ADGRL2: variants seen among roughly 807,000 people sequenced by gnomAD.
ADGRL2 encodes calcium-independent alpha-latrotoxin receptor 2.
ADGRL2 carries 44 observed loss-of-function variants against 157.4 expected under a neutral mutation model. The observed-to-expected ratio is 0.28, with a 90% CI of 0.22 to 0.36. ADGRL2 has a LOEUF of 0.36. ADGRL2 is among the 10% of genes least tolerant of loss of function. The pLI is 1.00. For missense variants in ADGRL2, 1,510 were observed against 1,768.9 expected, an observed-to-expected ratio of 0.85 and a Z score of 2.63; for synonymous variants, 585 against 624.7, an observed-to-expected ratio of 0.94 and a Z score of 0.95.
chr1:81,331,535 A>G (rs1661264947), intron 1 of ADGRL2, among the ~76,000 whole-genome samples: 1 of 152,152 alleles, frequency 6.6e-6, no homozygotes, highest in African/African-American at 2.4e-5. Flanking sequence ...TTCCTCAAAT[A>G]ATTATTAGCT....
At chr1:81,454,111 A>C (rs1282477215) in intron 2 of ADGRL2, among the ~76,000 whole-genome samples, 1 of 152,112 alleles carries the variant, frequency 6.6e-6, no homozygotes, top group Non-Finnish European at 1.5e-5. Flanking sequence ...TTTTGTCATT[A>C]GTTAAAGTTA....
intron 3 of ADGRL2, among the ~76,000 whole-genome samples, chr1:81,651,728 T>C (rs1557537771): frequency 6.6e-6 from 1 of 152,126 alleles, no homozygotes; most frequent in Non-Finnish European, 1.5e-5. Flanking sequence ...ATTTTGTTTG[T>C]TTGTTTGTTT....
intron 2 of ADGRL2, chr1:81,579,329 G>A (rs1275497081): frequency 6.6e-6 from 1 of 152,110 alleles, no homozygotes; most frequent in Non-Finnish European, 1.5e-5. Context: ...CAATACGAGG[G>A]GATGTGTATC....
At chr1:81,429,887 T>TTTGTTG (rs1334222143) in intron 1 of ADGRL2, among the ~76,000 whole-genome samples, 1 of 151,946 alleles carries the variant, frequency 6.6e-6, no homozygotes, top group Non-Finnish European at 1.5e-5. Flanking sequence ...TGTTTTTTGT[T>TTTGTTG]TTGTTGTTGT....
chr1:81,696,452 G>A (rs2083444496), upstream of ADGRL2, among the ~76,000 whole-genome samples: 1 of 152,070 alleles, frequency 6.6e-6, no homozygotes, highest in Admixed American at 6.5e-5. Flanking sequence ...TGGGGCAGAG[G>A]CAAGAATAGA....
chr1:81,366,295 G>A (rs76839453), intron 1 of ADGRL2, among the ~76,000 whole-genome samples: 6 of 147,006 alleles, frequency 4.1e-5, no homozygotes, highest in African/African-American at 1.0e-4. Flanking sequence ...TTTGGCTCCA[G>A]AAAAAAAAAA....
chr1:81,647,852 C>T (rs1489960329), intron 3 of ADGRL2, among the ~76,000 whole-genome samples: 1 of 152,120 alleles, frequency 6.6e-6, no homozygotes, highest in Admixed American at 6.6e-5. Context: ...TGGGAAGATG[C>T]GATAACAGCA....
intron 1 of ADGRL2, among the ~76,000 whole-genome samples, chr1:81,331,159 G>C (rs1008087215): frequency 2.6e-5 from 4 of 152,098 alleles, no homozygotes; most frequent in Non-Finnish European, 5.9e-5. Flanking sequence ...TTCACTTCTA[G>C]ATTCCTTTAC....
intron 2 of ADGRL2, among the ~76,000 whole-genome samples, chr1:81,489,166 G>A (rs948932315): frequency 6.6e-6 from 1 of 152,080 alleles, no homozygotes; most frequent in African/African-American, 2.4e-5. Context: ...GAACCTGGGA[G>A]GTGGAGGTTG....
chr1:81,648,393 T>G (rs2148827967), intron 3 of ADGRL2, among the ~76,000 whole-genome samples: 1 of 152,290 alleles, frequency 6.6e-6, no homozygotes, highest in East Asian at 1.9e-4. Context: ...GTGTGCTGCC[T>G]TCTGCTACCC....
chr1:81,723,129 G>C, intron 1 of ADGRL2: 1 of 652,590 alleles, frequency 1.5e-6, no homozygotes, highest in East Asian at 2.6e-5. Context: ...TTACCTTATG[G>C]ATGTCGCAAT....
chr1:81,454,494 A>G (rs988732058), intron 2 of ADGRL2, among the ~76,000 whole-genome samples: 1 of 152,160 alleles, frequency 6.6e-6, no homozygotes, highest in Non-Finnish European at 1.5e-5. Flanking sequence ...CATTGATCGC[A>G]TCAAAAATTC....
chr1:81,596,204 C>A, intron 3 of ADGRL2: 4 of 564,974 alleles, frequency 7.1e-6, no homozygotes, highest in South Asian at 5.6e-5. Flanking sequence ...ATACTGAAGT[C>A]ATCTGCTTAA....
chr1:81,796,059 C>T (rs997269647), upstream of ADGRL2, among the ~76,000 whole-genome samples: 4 of 152,154 alleles, frequency 2.6e-5, no homozygotes, highest in East Asian at 1.9e-4. Context: ...GGCACTATCT[C>T]GGCTCACTGC....
chr1:81,968,011 C>T lies in ADGRL2; in HGVS notation c.2350-15C>T. On this transcript the variant is annotated splice_polypyrimidine_tract_variant and intron_variant, in intron 13 of 23. Transcript: ENST00000686636. ...ATATAAAATCCTAATTTTATCTTGT[C>T]ATTTTATTTCCCAGCCTGACAATTA... The T allele has an allele frequency of 6.2e-7, 1 of 1,607,400 alleles. No individual in the cohort carries two copies.
chr1:81,419,320 C>T (rs2101526781), intron 1 of ADGRL2, among the ~76,000 whole-genome samples: 1 of 152,294 alleles, frequency 6.6e-6, no homozygotes, highest in African/African-American at 2.4e-5. Flanking sequence ...TCTCCTGCCT[C>T]AGCCTCCCTA....
intron 2 of ADGRL2, among the ~76,000 whole-genome samples, chr1:81,486,769 C>A (rs1215615309): frequency 6.6e-6 from 1 of 152,084 alleles, no homozygotes; most frequent in East Asian, 1.9e-4. Context: ...AGAAAACCTA[C>A]CTCAAGTTTG....
chr1:81,449,068 G>C (rs145515101), intron 2 of ADGRL2, among the ~76,000 whole-genome samples: 1 of 152,278 alleles, frequency 6.6e-6, no homozygotes, highest in African/African-American at 2.4e-5. Flanking sequence ...GATGGAATAA[G>C]TGGCATCAAA....
intron 2 of ADGRL2, among the ~76,000 whole-genome samples, chr1:81,450,269 C>T (rs958427258): frequency 2.0e-5 from 3 of 152,132 alleles, no homozygotes; most frequent in Admixed American, 6.5e-5. Flanking sequence ...GGTCTTGAAA[C>T]GTTGAGTTTC....
Sources: gnomAD v4.1 joint callset for allele counts (sites outside exome capture counted in the v4.1 genomes callset) on GRCh38, gnomAD v4.1.1 for gene constraint, MANE v1.5 for transcripts, NCBI Gene and HGNC (gene_info 2026-07-23, HGNC 2026-07-21) for gene names.